Variants in OSBPL3 observed in about 807,000 individuals in gnomAD.
OSBPL3 encodes the protein oxysterol-binding protein-related protein 3.
OSBPL3 carries 65 observed loss-of-function variants against 120.1 expected under a neutral mutation model. The ratio of observed to expected loss-of-function variants is 0.54; its 90% CI spans 0.44 to 0.67. The LOEUF is 0.67. OSBPL3 is among the 30% of genes least tolerant of loss of function. The pLI, the probability that OSBPL3 is intolerant of heterozygous loss-of-function variation, is 0.00. For missense variants in OSBPL3, 1,004 were observed against 1,082.1 expected, an observed-to-expected ratio of 0.93 and a Z score of 1.01; for synonymous variants, 416 against 402.6, an observed-to-expected ratio of 1.03 and a Z score of -0.40.
Position 24,830,825 on chromosome 7 carries a change from A to C in OSBPL3, c.1827T>G (p.Leu609=). 6.2e-7 allele frequency: 1 copy of C among 1,614,142 alleles called. No individual in the cohort carries two copies. The highest frequency in any genetic ancestry group is 8.5e-7 in the Non-Finnish European group (1 of 1,179,992). The part of the protein sequence containing the change: ...RAGSKPFNPV[L]GETYECIRED... ...CCCGAATACATTCATATGTTTCTCCAAGAACCGGATTAAATGGCTTGCTTC... is the reference window on the plus strand; with the variant it reads ...CCCGAATACATTCATATGTTTCTCCCAGAACCGGATTAAATGGCTTGCTTC... Residue 609 remains leucine, a synonymous_variant, in exon 16 of 23, where the codon CTT becomes CTG. Transcript: ENST00000313367. This position sits in a 1 kb window ranked among gnomAD's most constrained non-coding sequence, Gnocchi z 4.4.
chr7:24,957,593 C>T (rs565947286), intron 1 of OSBPL3, among the ~76,000 whole-genome samples: 1 of 152,136 alleles, frequency 6.6e-6, no homozygotes, highest in African/African-American at 2.4e-5. Context: ...TAAGTTATTT[C>T]TTAAATAATA....
At position 24,891,212 on chromosome 7, in the gene OSBPL3, AT is replaced by A. The variant is rs35524056; in HGVS notation, c.96+1164del. On this transcript the variant is annotated intron_variant, in intron 2 of 22. Transcript: ENST00000313367. The surrounding 1 kb of genome is among the most constrained non-coding windows in gnomAD (Gnocchi z 4.1). ...CAATGACTAATTTTAGTCTTTTCTT[AT>A]TTTTTTTTTTTTTAATTCCAGAAGG... Among the ~76,000 whole-genome samples, 31,754 of 146,426 alleles carry A rather than the reference AT, an allele frequency of 0.22. 3,463 individuals carry two copies. The highest frequency in any genetic ancestry group is 0.34 in the East Asian group (1,701 of 5,028).
At position 24,834,849 on chromosome 7, in the gene OSBPL3, A is replaced by C; in HGVS notation, c.1496-113T>G. Reference sequence around the variant, plus strand: ...AGTAGTCAATGTTACTATTAAACTCAGTTGTTCAGAGTATGGCTGAAGTCA... The same window carrying C: ...AGTAGTCAATGTTACTATTAAACTCCGTTGTTCAGAGTATGGCTGAAGTCA... On this transcript the variant is annotated intron_variant, in intron 14 of 22. Transcript: ENST00000313367. This position sits in a 1 kb window ranked among gnomAD's most constrained non-coding sequence, Gnocchi z 5.2. The C allele has an allele frequency of 2.2e-6, 2 of 925,928 alleles. No homozygotes were observed. The highest frequency in any genetic ancestry group is 1.6e-6 in the Non-Finnish European group (1 of 641,144). The allele number at this position is 925,928 out of a possible 1,614,324, so 57.4% of individuals were successfully genotyped here.
chr7:24,976,419 A>G (rs917908291), intron 1 of OSBPL3, among the ~76,000 whole-genome samples: 3 of 152,220 alleles, frequency 2.0e-5, no homozygotes, highest in Non-Finnish European at 2.9e-5. Context: ...GACAGAGTGC[A>G]TAAGTCCCTA....
In OSBPL3 at chr7:24,871,785, T is replaced by C. The variant is rs145503765; in HGVS notation, c.224A>G (p.Tyr75Cys). The C allele has an allele frequency of 7.7e-5, 124 of 1,612,132 alleles. No individual in the cohort carries two copies. The highest frequency in any genetic ancestry group is 8.8e-5 in the Non-Finnish European group (104 of 1,178,358). Reference sequence around the variant, plus strand: ...ATATTTCAAGATTCCTTTGTCCAGATAGAAGAATCTCTGTGGGGAAGAAAG... The same window carrying C: ...ATATTTCAAGATTCCTTTGTCCAGACAGAAGAATCTCTGTGGGGAAGAAAG... ...PLKGWHKRFF[Y>C]LDKGILKYAK... Residue 75 changes from tyrosine to cysteine, a missense_variant, in exon 4 of 23, where the codon TAT becomes TGT. Coordinates refer to ENST00000313367, the MANE Select transcript of OSBPL3 (RefSeq NM_015550.4). The surrounding 1 kb of genome is among the most constrained non-coding windows in gnomAD (Gnocchi z 4.8).
intron 1 of OSBPL3, among the ~76,000 whole-genome samples, chr7:24,911,199 A>T (rs1808771335): frequency 1.3e-5 from 2 of 152,232 alleles, no homozygotes; most frequent in Non-Finnish European, 2.9e-5. Context: ...GATGTGACTT[A>T]GCAGTTTAAA....
chr7:24,864,423 T>C (rs545427313), intron 7 of OSBPL3, among the ~76,000 whole-genome samples: 1 of 152,324 alleles, frequency 6.6e-6, no homozygotes, highest in South Asian at 2.1e-4. Flanking sequence ...GCATTGCTGA[T>C]AAGTTCCCGG....
chr7:24,928,380 A>G (rs1310359239), intron 1 of OSBPL3, among the ~76,000 whole-genome samples: 1 of 151,762 alleles, frequency 6.6e-6, no homozygotes, highest in Non-Finnish European at 1.5e-5. Flanking sequence ...TTTAGTAGAG[A>G]CGGGGTTTCA....
In OSBPL3 at chr7:24,817,279, G is replaced by T. The variant is rs544628668; in HGVS notation, c.1949-591C>A. Among the ~76,000 whole-genome samples the T allele has an allele frequency of 6.6e-6, 1 of 152,184 alleles. No individual in the cohort carries two copies. The highest frequency in any genetic ancestry group is 6.5e-5 in the Admixed American group (1 of 15,272). The stretch of plus-strand genomic sequence containing the variant: ...TGCCTGTAATCCTAGCACTTTGGGA[G>T]GCAGAGGTGGGTGGATCATTTGAGA... On this transcript the variant is annotated intron_variant, in intron 17 of 22. Coordinates refer to ENST00000313367, the MANE Select transcript of OSBPL3 (RefSeq NM_015550.4). This position sits in a 1 kb window ranked among gnomAD's most constrained non-coding sequence, Gnocchi z 4.0.
intron 14 of OSBPL3, among the ~76,000 whole-genome samples, chr7:24,839,050 C>T (rs534882136): frequency 1.1e-4 from 16 of 152,306 alleles, no homozygotes; most frequent in Non-Finnish European, 1.5e-4. Context: ...CCCTATACTG[C>T]GGTCCCCCAA....
chr7:24,844,443 ATTC>A (rs1383945254), intron 12 of OSBPL3, among the ~76,000 whole-genome samples: 10 of 151,928 alleles, frequency 6.6e-5, no homozygotes, highest in African/African-American at 1.2e-4. Context: ...GCCCACAACA[ATTC>A]TTCTTCTTCC....
At position 24,831,537 on chromosome 7, in the gene OSBPL3, C is replaced by T. The variant is rs112666005; in HGVS notation, c.1747-632G>A. ...AAGAGAGGAAGGAAGAAAAACTTTA[C>T]GTGAACACGAAGTGAACAAACTCTC... On this transcript the variant is annotated intron_variant, in intron 15 of 22. Transcript: ENST00000313367. The surrounding 1 kb of genome is among the most constrained non-coding windows in gnomAD (Gnocchi z 4.0). Among the ~76,000 whole-genome samples the T allele has an allele frequency of 3.3e-5, 5 of 152,126 alleles. No homozygotes were observed. The highest frequency in any genetic ancestry group is 7.3e-5 in the Non-Finnish European group (5 of 68,030).
rs1163988517 is a variant in OSBPL3, at chr7:24,933,118, G to A, written c.-149-40497C>T. On this transcript the variant is annotated intron_variant, in intron 1 of 22. Transcript: ENST00000313367. The surrounding 1 kb of genome is among the most constrained non-coding windows in gnomAD (Gnocchi z 5.1). ...CAGAGAGTAATAACAGGCCACGCAC[G>A]CAGACGCCTGCAGAACTGGGACCCA... Among the ~76,000 whole-genome samples the A allele has an allele frequency of 6.6e-6, 1 of 152,218 alleles. No individual in the cohort carries two copies. Among genetic ancestry groups the A allele is most frequent in the African/African-American group, 2.4e-5 (1 of 41,452 alleles).
chr7:24,892,425 T>C lies in OSBPL3; in HGVS notation c.48A>G (p.Ser16=). 1 of 1,613,810 alleles carries C rather than the reference T, an allele frequency of 6.2e-7. No individual in the cohort carries two copies. The highest frequency in any genetic ancestry group is 8.5e-7 in the Non-Finnish European group (1 of 1,179,768). ...AGCAGCTACTTGTGCTCCTTGAAGG[T>C]GATACCAATTTTTGGGACACACCAA... ...KNLGVSQKLV[S]PSRSTSSCSS... The change falls in exon 2 of 23, where the codon TCA becomes TCG. Residue 16 remains serine, a synonymous_variant. Transcript: ENST00000313367.
intron 15 of OSBPL3, among the ~76,000 whole-genome samples, chr7:24,832,649 C>T (rs1032514699): frequency 1.3e-5 from 2 of 152,056 alleles, no homozygotes; most frequent in South Asian, 2.1e-4. Flanking sequence ...TGAAACAGTA[C>T]AGCCACACTG....
rs116812061 is a variant in OSBPL3 at position 24,888,010 on chromosome 7, A to C, written c.96+4367T>G. On this transcript the variant is annotated intron_variant, in intron 2 of 22. Coordinates refer to ENST00000313367, the MANE Select transcript of OSBPL3 (RefSeq NM_015550.4). ...TTAAACATTCTATTGTATTCGTCAC[A>C]AAAGCATTTTATTAATGTGTAGAGT... Among the ~76,000 whole-genome samples the C allele has an allele frequency of 5.3e-3, 808 of 152,368 alleles. 7 individuals carry two copies. Among genetic ancestry groups the C allele is most frequent in the African/African-American group, 0.017 (718 of 41,586 alleles).
Position 24,817,753 on chromosome 7 carries a change from A to G in OSBPL3, c.1949-1065T>C, listed in dbSNP as rs1794646553. ...ACGGGATGAAGGGAACCAAGACAAC[A>G]GACGCGGGGAAGTGAGTGAGCCCAG... is the stretch of plus-strand genomic sequence containing the variant. On this transcript the variant is annotated intron_variant, in intron 17 of 22. Coordinates refer to ENST00000313367, the MANE Select transcript of OSBPL3 (RefSeq NM_015550.4). The surrounding 1 kb of genome is among the most constrained non-coding windows in gnomAD (Gnocchi z 4.0). Among the ~76,000 whole-genome samples, 1 of 152,246 alleles carries G rather than the reference A, an allele frequency of 6.6e-6. No individual in the cohort carries two copies. Among genetic ancestry groups the G allele is most frequent in the Admixed American group, 6.5e-5 (1 of 15,290 alleles).
chr7:24,855,623 C>T lies in OSBPL3; in HGVS notation c.1028-2989G>A, dbSNP rs116092108. ...ACATTAAAATAGTCATTCACAGCCA[C>T]CTAATGATCTGCCACACACAGGGCA... On this transcript the variant is annotated intron_variant, in intron 10 of 22. Coordinates refer to ENST00000313367, the MANE Select transcript of OSBPL3 (RefSeq NM_015550.4). The surrounding 1 kb of genome is among the most constrained non-coding windows in gnomAD (Gnocchi z 4.3). 0.024 allele frequency among the ~76,000 whole-genome samples: 3,604 copies of T among 152,252 alleles called. 95 individuals carry two copies. Among genetic ancestry groups the T allele is most frequent in the Admixed American group, 0.052 (798 of 15,302 alleles).
At chr7:24,889,010 C>CA (rs1451969090) in intron 2 of OSBPL3, among the ~76,000 whole-genome samples, 11 of 152,040 alleles carry the variant, frequency 7.2e-5, no homozygotes. Flanking sequence ...CCAAATATGG[C>CA]AAAAATATAC....
Sources: gnomAD v4.1 joint callset for allele counts (sites outside exome capture counted in the v4.1 genomes callset) on GRCh38, gnomAD v4.1.1 for gene constraint, Gnocchi (gnomAD v3.1) non-coding constraint, MANE v1.5 for transcripts, NCBI Gene and HGNC (gene_info 2026-07-23, HGNC 2026-07-21) for gene names.